ARHGAP24: variants seen among roughly 807,000 people sequenced by gnomAD.
The protein encoded by ARHGAP24 is rho GTPase-activating protein 24.
In ARHGAP24, 50 loss-of-function variants were observed where a neutral mutation model predicts 76.4. The ratio of observed to expected loss-of-function variants is 0.65; its 90% CI spans 0.52 to 0.83. The LOEUF (loss-of-function observed/expected upper bound fraction) is 0.83. Among genes scored for constraint, ARHGAP24 ranks in the 40% least tolerant of loss-of-function variants. The pLI is 0.00. For missense variants in ARHGAP24, 930 were observed against 914.2 expected, an observed-to-expected ratio of 1.02 and a Z score of -0.22; for synonymous variants, 345 against 323.3, an observed-to-expected ratio of 1.07 and a Z score of -0.72.
chr4:85,877,380 T>C (rs1393960319), intron 3 of ARHGAP24, among the ~76,000 whole-genome samples: 1 of 152,164 alleles, frequency 6.6e-6, no homozygotes, highest in Non-Finnish European at 1.5e-5. Context: ...ATCACCATAC[T>C]TTGGGAGGCC....
chr4:85,869,236 T>G (rs1364934820), intron 3 of ARHGAP24, among the ~76,000 whole-genome samples: 1 of 152,158 alleles, frequency 6.6e-6, no homozygotes, highest in Non-Finnish European at 1.5e-5. Context: ...AGTGCTTCGG[T>G]ATTCTAAGAT....
chr4:85,835,917 C>T (rs918908482), intron 3 of ARHGAP24, among the ~76,000 whole-genome samples: 1 of 152,104 alleles, frequency 6.6e-6, no homozygotes, highest in African/African-American at 2.4e-5. Context: ...AACACCTGAG[C>T]TCAAGTGGCC....
chr4:85,813,655 C>A (rs1175882797), intron 3 of ARHGAP24, among the ~76,000 whole-genome samples: 2 of 151,516 alleles, frequency 1.3e-5, no homozygotes, highest in East Asian at 3.9e-4. Flanking sequence ...TTTTCTTCCC[C>A]CCACTGCCAG....
intron 3 of ARHGAP24, among the ~76,000 whole-genome samples, chr4:85,786,878 GGAATCATTACTTCT>G (rs1265639829): frequency 1.3e-5 from 2 of 152,156 alleles, no homozygotes; most frequent in African/African-American, 4.8e-5. Context: ...TTGTTTTTCT[GGAATCATTACTTCT>G]GAATCACTTT....
chr4:85,972,277 C>T, intron 6 of ARHGAP24, 109 bp downstream of exon 6: 1 of 1,440,864 alleles, frequency 6.9e-7, no homozygotes, highest in Non-Finnish European at 9.5e-7. Context: ...TTACTCTCCA[C>T]TATCCTTTGA....
chr4:85,813,058 TA>T (rs1324407488), intron 3 of ARHGAP24, among the ~76,000 whole-genome samples: 2 of 152,310 alleles, frequency 1.3e-5, no homozygotes, highest in African/African-American at 4.8e-5. Flanking sequence ...CTTCTGAGTT[TA>T]TTTTCTTTTT....
Position 85,808,369 on chromosome 4 carries a change from C to G in ARHGAP24, c.268+86397C>G, listed in dbSNP as rs142771607. 9.9e-3 allele frequency among the ~76,000 whole-genome samples: 1,511 copies of G among 152,332 alleles called. 29 individuals are homozygous for G. Among genetic ancestry groups the G allele is most frequent in the African/African-American group, 0.034 (1,412 of 41,580 alleles). On this transcript the variant is annotated intron_variant, in intron 3 of 9. Transcript: ENST00000395184. ...TTCAACTGCTCTAAACACTTTGCCA[C>G]TTTAACCTTTTTTTTCTTTTTGGTT...
At chr4:85,486,916 C>T (rs1723077783) in intron 1 of ARHGAP24, among the ~76,000 whole-genome samples, 1 of 151,776 alleles carries the variant, frequency 6.6e-6, no homozygotes, top group South Asian at 2.1e-4. Flanking sequence ...CTTGTGCTGG[C>T]CTCCTCCTGC....
chr4:85,971,500 C>T (rs1030186146), intron 5 of ARHGAP24, among the ~76,000 whole-genome samples: 2 of 151,812 alleles, frequency 1.3e-5, no homozygotes, highest in South Asian at 2.1e-4. Flanking sequence ...GGTACATAGT[C>T]GGTGTATATA....
At chr4:85,638,927 A>G (rs1445753722) in intron 2 of ARHGAP24, among the ~76,000 whole-genome samples, 1 of 151,260 alleles carries the variant, frequency 6.6e-6, no homozygotes, top group Non-Finnish European at 1.5e-5. Context: ...ACATAATCTC[A>G]TGGTGCTAAC....
At chr4:85,807,665 C>T (rs1728849591) in intron 3 of ARHGAP24, among the ~76,000 whole-genome samples, 2 of 152,152 alleles carry the variant, frequency 1.3e-5, no homozygotes, top group African/African-American at 2.4e-5. Flanking sequence ...ATCCTGATGA[C>T]GGATGGTTTT....
chr4:85,808,473 T>C (rs1459676175), intron 3 of ARHGAP24, among the ~76,000 whole-genome samples: 1 of 152,224 alleles, frequency 6.6e-6, no homozygotes, highest in African/African-American at 2.4e-5. Flanking sequence ...TGTTTTGAGT[T>C]TCTTCAGATT....
intron 3 of ARHGAP24, among the ~76,000 whole-genome samples, chr4:85,921,396 G>A (rs1204076969): frequency 1.3e-5 from 2 of 152,150 alleles, no homozygotes; most frequent in African/African-American, 2.4e-5. Context: ...AGGGTGGAAG[G>A]TGGAAGGAGG....
chr4:85,900,766 C>G (rs535073675), intron 3 of ARHGAP24, among the ~76,000 whole-genome samples: 18 of 152,284 alleles, frequency 1.2e-4, no homozygotes, highest in Non-Finnish European at 2.2e-4. Flanking sequence ...AGGGATTCTC[C>G]TGGAAATCAG....
intron 2 of ARHGAP24, among the ~76,000 whole-genome samples, chr4:85,603,392 A>T (rs112460006): frequency 6.6e-6 from 1 of 152,214 alleles, no homozygotes; most frequent in African/African-American, 2.4e-5. Context: ...ACCTCCCTTC[A>T]TATAAGAGCT....
chr4:85,955,841 A>G lies in ARHGAP24; in HGVS notation c.599+13568A>G, dbSNP rs557505728. Reference sequence around the variant, plus strand: ...ACCATATGCTATTGTGAGATAAACTATTTTCTGGGGTATAGAGTTGATGTG... The same window carrying G: ...ACCATATGCTATTGTGAGATAAACTGTTTTCTGGGGTATAGAGTTGATGTG... On this transcript the variant is annotated intron_variant, in intron 5 of 9. Coordinates refer to ENST00000395184, the MANE Select transcript of ARHGAP24 (RefSeq NM_001025616.3). Among the ~76,000 whole-genome samples, 22 of 152,142 alleles carry G rather than the reference A, an allele frequency of 1.4e-4. No individual in the cohort carries two copies. In the South Asian group the frequency reaches 3.9e-3, roughly 27 times the overall value.
intron 1 of ARHGAP24, among the ~76,000 whole-genome samples, chr4:85,519,486 A>G (rs1578003190): frequency 6.6e-6 from 1 of 152,162 alleles, no homozygotes; most frequent in East Asian, 1.9e-4. Flanking sequence ...TAAGTCAGCA[A>G]TTAAATAACT....
chr4:85,785,425 A>G (rs750245279), intron 3 of ARHGAP24, among the ~76,000 whole-genome samples: 3 of 152,148 alleles, frequency 2.0e-5, no homozygotes, highest in Non-Finnish European at 4.4e-5. Context: ...AAGGCAAGTG[A>G]GTATTATATT....
At chr4:85,948,850 A>G (rs1737433475) in intron 5 of ARHGAP24, among the ~76,000 whole-genome samples, 1 of 151,956 alleles carries the variant, frequency 6.6e-6, no homozygotes, top group Non-Finnish European at 1.5e-5. Flanking sequence ...TTTTTTTCCT[A>G]TGGCCATTTC....
Sources: gnomAD v4.1 joint callset for allele counts (sites outside exome capture counted in the v4.1 genomes callset) on GRCh38, gnomAD v4.1.1 for gene constraint, MANE v1.5 for transcripts, NCBI Gene and HGNC (gene_info 2026-07-23, HGNC 2026-07-21) for gene names.